CTCF: variants seen among roughly 807,000 people sequenced by gnomAD.
CTCF encodes the protein transcriptional repressor CTCF.
CTCF carries 7 observed loss-of-function variants against 72.3 expected under a neutral mutation model. The observed-to-expected ratio is 0.10, with a 90% CI of 0.06 to 0.18. The LOEUF (loss-of-function observed/expected upper bound fraction) is 0.18, where lower values mean the gene tolerates loss of function less well. Among genes scored for constraint, CTCF ranks in the 10% least tolerant of loss-of-function variants. CTCF has a pLI of 1.00. For synonymous variants in CTCF, 374 were observed against 315.8 expected, an observed-to-expected ratio of 1.18 and a Z score of -1.95; for missense variants, 516 against 949.1, an observed-to-expected ratio of 0.54 and a Z score of 6.00.
intron 7 of CTCF, among the ~76,000 whole-genome samples, chr16:67,625,584 T>A (rs1427629231): frequency 6.6e-6 from 1 of 152,222 alleles, no homozygotes; most frequent in Non-Finnish European, 1.5e-5. Context: ...TCCCATGGGC[T>A]CAAATTCTAA....
Position 67,616,969 on chromosome 16 carries a change from G to A in CTCF, c.1086+91G>A, listed in dbSNP as rs1367661678. 9 of 1,319,238 alleles carry A rather than the reference G, an allele frequency of 6.8e-6. No homozygotes were observed. In the Admixed American group the frequency reaches 1.1e-4, roughly 16 times the overall value. The allele number at this position is 1,319,238 out of a possible 1,614,324, so 81.7% of individuals were successfully genotyped here. On this transcript the variant is annotated intron_variant, in intron 5 of 11. Transcript: ENST00000264010. ...ATAACTACTACCCAAACGGACTTAAGATGAGGTAGAAAAATGTTAGTAAAT... is the reference window on the plus strand; with the variant it reads ...ATAACTACTACCCAAACGGACTTAAAATGAGGTAGAAAAATGTTAGTAAAT...
At chr16:67,583,011 T>C (rs2051609290) in intron 2 of CTCF, among the ~76,000 whole-genome samples, 1 of 151,050 alleles carries the variant, frequency 6.6e-6, no homozygotes, top group East Asian at 2.0e-4. Flanking sequence ...GACGGAGTTT[T>C]GCTCTGTTGC....
At chr16:67,584,372 G>A (rs1474971871) in intron 2 of CTCF, among the ~76,000 whole-genome samples, 13 of 122,836 alleles carry the variant, frequency 1.1e-4, no homozygotes, top group African/African-American at 4.4e-4. Flanking sequence ...ATGGAGTCTC[G>A]CTCTGTCACC....
At chr16:67,563,480 A>C (rs980587705) in intron 1 of CTCF, 1 of 151,950 alleles carries the variant, frequency 6.6e-6, no homozygotes, top group Admixed American at 6.6e-5. Flanking sequence ...TCGCACCTCT[A>C]CGCTGCCTGA....
chr16:67,633,098 T>C (rs2052385642), intron 10 of CTCF, among the ~76,000 whole-genome samples: 2 of 152,192 alleles, frequency 1.3e-5, no homozygotes, highest in Admixed American at 1.3e-4. Context: ...ACTTTTTCTA[T>C]AAAATGAGGG....
At chr16:67,636,641 C>T in intron 10 of CTCF, 49 bp from the exon 11 acceptor site, 1 of 1,417,212 alleles carries the variant, frequency 7.1e-7, no homozygotes, top group South Asian at 1.5e-5. Context: ...TCATCTTCCA[C>T]CACCCTTCTC....
intron 2 of CTCF, among the ~76,000 whole-genome samples, chr16:67,605,809 A>G (rs1360793745): frequency 6.6e-6 from 1 of 152,204 alleles, no homozygotes; most frequent in Non-Finnish European, 1.5e-5. Context: ...ATCAGACGTA[A>G]AGTACAGAGT....
At chr16:67,582,985 T>TA (rs1489514077) in intron 2 of CTCF, among the ~76,000 whole-genome samples, 3 of 145,280 alleles carry the variant, frequency 2.1e-5, no homozygotes, top group African/African-American at 7.6e-5. Context: ...TTATTTTTCT[T>TA]TTTTTTTTTT....
Position 67,612,234 on chromosome 16 carries a change from T to G in CTCF, c.952+113T>G, listed in dbSNP as rs149002380. 4.0e-4 allele frequency: 361 copies of G among 913,894 alleles called. 1 individual carries two copies. In the African/African-American group the frequency reaches 5.5e-3, roughly 14 times the overall value. The allele number at this position is 913,894 out of a possible 1,614,324, so 56.6% of individuals were successfully genotyped here. On this transcript the variant is annotated intron_variant, in intron 4 of 11. Coordinates refer to ENST00000264010, the MANE Select transcript of CTCF (RefSeq NM_006565.4). ...TAAAGGAAGTTTTTATTATTTCTTA[T>G]GATGCCCTTTTTGTAATCATGATTT...
chr16:67,633,483 G>T (rs2052390405), intron 10 of CTCF, among the ~76,000 whole-genome samples: 2 of 152,166 alleles, frequency 1.3e-5, no homozygotes, highest in Admixed American at 6.5e-5. Flanking sequence ...GAGCAAGAGG[G>T]TTGGAAATGA....
At chr16:67,606,226 A>G (rs1282298075) in intron 2 of CTCF, among the ~76,000 whole-genome samples, 1 of 152,150 alleles carries the variant, frequency 6.6e-6, no homozygotes, top group Non-Finnish European at 1.5e-5. Context: ...TAATTCCCAC[A>G]TGTATTTATT....
At chr16:67,632,821 A>C (rs780676274) in intron 10 of CTCF, among the ~76,000 whole-genome samples, 2 of 152,234 alleles carry the variant, frequency 1.3e-5, no homozygotes, top group Admixed American at 6.5e-5. Flanking sequence ...TTGAGAAATA[A>C]GGCATTTTAT....
intron 7 of CTCF, among the ~76,000 whole-genome samples, chr16:67,625,234 A>G (rs552140907): frequency 6.6e-6 from 1 of 152,120 alleles, no homozygotes; most frequent in South Asian, 2.1e-4. Context: ...CGCCCAGGCT[A>G]GAGTACAGTG....
chr16:67,595,952 CTCTT>C lies in CTCF; in HGVS notation c.-9-14866_-9-14863del, dbSNP rs2051808122. Among the ~76,000 whole-genome samples, 9 of 151,114 alleles carry C rather than the reference CTCTT, an allele frequency of 6.0e-5. No homozygotes were observed. The South Asian group carries it at 1.7e-3, about 28-fold the overall frequency. ...AGTATCTTTCTTTTTTTTTCTTTTC[CTCTT>C]TCTTTTCTTTTTTTTTGAGACAGAG... is the stretch of plus-strand genomic sequence containing the variant. On this transcript the variant is annotated intron_variant, in intron 2 of 11. Coordinates refer to ENST00000264010, the MANE Select transcript of CTCF (RefSeq NM_006565.4).
intron 2 of CTCF, among the ~76,000 whole-genome samples, chr16:67,610,209 T>C (rs777178532): frequency 3.3e-5 from 5 of 152,308 alleles, no homozygotes; most frequent in South Asian, 4.1e-4. Flanking sequence ...TGGATTTCAC[T>C]GATTTAATCC....
chr16:67,594,968 C>G (rs889209957), intron 2 of CTCF, among the ~76,000 whole-genome samples: 1 of 152,098 alleles, frequency 6.6e-6, no homozygotes, highest in African/African-American at 2.4e-5. Flanking sequence ...ACATCAGATA[C>G]TGATATAGAA....
intron 10 of CTCF, 39 bp downstream of exon 10, chr16:67,629,572 C>T (rs1269616953): frequency 1.2e-6 from 2 of 1,604,502 alleles, no homozygotes; most frequent in East Asian, 4.5e-5. Context: ...CTATGGCAGG[C>T]TTTGGAGCCC....
chr16:67,617,400 G>T (rs1324249601), intron 5 of CTCF, among the ~76,000 whole-genome samples: 6 of 152,228 alleles, frequency 3.9e-5, no homozygotes, highest in African/African-American at 9.6e-5. Flanking sequence ...TCGGGAGGCT[G>T]AGGCAGGAGA....
intron 10 of CTCF, among the ~76,000 whole-genome samples, chr16:67,635,354 C>T (rs1051790253): frequency 4.6e-5 from 7 of 150,990 alleles, no homozygotes; most frequent in African/African-American, 1.5e-4. Flanking sequence ...AAAGTAGAGA[C>T]GGGGTTTCAC....
Sources: gnomAD v4.1 joint callset for allele counts (sites outside exome capture counted in the v4.1 genomes callset) on GRCh38, gnomAD v4.1.1 for gene constraint, MANE v1.5 for transcripts, NCBI Gene and HGNC (gene_info 2026-07-23, HGNC 2026-07-21) for gene names.